COX20: variants seen among roughly 807,000 people sequenced by gnomAD.
COX20 encodes the protein cytochrome c oxidase assembly protein COX20, mitochondrial.
A neutral mutation model predicts 14.3 loss-of-function variants in COX20; 14 were observed. The observed-to-expected ratio is 0.98, with a 90% CI of 0.65 to 1.53. COX20 has a LOEUF of 1.53. Among genes scored for constraint, COX20 ranks in the 40% most tolerant of loss-of-function variants. COX20 has a pLI of 0.00. For synonymous variants in COX20, 56 were observed against 51.7 expected, an observed-to-expected ratio of 1.08 and a Z score of -0.36; for missense variants, 149 against 142.1, an observed-to-expected ratio of 1.05 and a Z score of -0.25.
At chr1:244,836,253 C>G (rs541899235) in intron 1 of COX20, among the ~76,000 whole-genome samples, 1 of 152,300 alleles carries the variant, frequency 6.6e-6, no homozygotes, top group Non-Finnish European at 1.5e-5. Context: ...GCTGGTGTCC[C>G]TGTCTCCATA....
Position 244,836,732 on chromosome 1 carries a change from T to C in COX20, c.42+976T>C, listed in dbSNP as rs115356011. ...TGCTAAATGGCTCCTAATATATACT[T>C]AAGATATTCTCCCAGCTTGGAAATT... On this transcript the variant is annotated intron_variant, in intron 1 of 3. Coordinates refer to ENST00000411948, the MANE Select transcript of COX20 (RefSeq NM_198076.6). 4.0e-3 allele frequency among the ~76,000 whole-genome samples: 615 copies of C among 152,318 alleles called. 6 individuals carry two copies. The highest frequency in any genetic ancestry group is 0.015 in the African/African-American group (605 of 41,568).
intron 1 of COX20, among the ~76,000 whole-genome samples, chr1:244,838,523 T>A (rs2102970954): frequency 6.6e-6 from 1 of 152,310 alleles, no homozygotes; most frequent in South Asian, 2.1e-4. Context: ...CCAGGAGACG[T>A]ATTTGAAGCC....
chr1:244,835,324 G>A (rs1413962841), upstream of COX20: 2 of 174,198 alleles, frequency 1.1e-5, no homozygotes, highest in Admixed American at 6.3e-5. Flanking sequence ...GAGCACGCGC[G>A]CCGGAGACGG....
At chr1:244,836,215 T>A (rs1384719693) in intron 1 of COX20, among the ~76,000 whole-genome samples, 1 of 152,142 alleles carries the variant, frequency 6.6e-6, no homozygotes, top group African/African-American at 2.4e-5. Flanking sequence ...GGGTTAAGAT[T>A]TCTTCCCCAT....
At chr1:244,838,520 A>G (rs909011941) in intron 1 of COX20, among the ~76,000 whole-genome samples, 4 of 152,200 alleles carry the variant, frequency 2.6e-5, no homozygotes, top group Admixed American at 1.3e-4. Flanking sequence ...AAACCAGGAG[A>G]CGTATTTGAA....
intron 1 of COX20, chr1:244,840,822 C>T (rs1320803481): frequency 6.6e-6 from 1 of 152,144 alleles, no homozygotes; most frequent in African/African-American, 2.4e-5. Context: ...TTTTGCCTTA[C>T]AATATATTAC....
chr1:244,840,339 C>G (rs1386858021), intron 1 of COX20: 1 of 152,170 alleles, frequency 6.6e-6, no homozygotes, highest in African/African-American at 2.4e-5. Context: ...GCACCTAAGA[C>G]TAGATCAAAC....
chr1:244,835,727 C>A lies in COX20; in HGVS notation c.13C>A (p.Pro5Thr). Residue 5 changes from proline to threonine, a missense_variant, in exon 1 of 4, where the codon CCG becomes ACG. Coordinates refer to ENST00000411948, the MANE Select transcript of COX20 (RefSeq NM_198076.6). MAAPPEPGEPEERKS... is the reference protein window; with the variant it reads MAAPTEPGEPEERKS... ...CGGAGTAGTCCTCATGGCCGCCCCGCCGGAGCCCGGTGAGCCCGAGGAGAG... is the reference window on the plus strand; with the variant it reads ...CGGAGTAGTCCTCATGGCCGCCCCGACGGAGCCCGGTGAGCCCGAGGAGAG... 1 of 1,270,150 alleles carries A rather than the reference C, an allele frequency of 7.9e-7. No individual in the cohort carries two copies. The highest frequency in any genetic ancestry group is 2.8e-5 in the South Asian group (1 of 35,176). The allele number at this position is 1,270,150 out of a possible 1,614,324, so 78.7% of individuals were successfully genotyped here.
chr1:244,835,731 A>G lies in COX20; in HGVS notation c.17A>G (p.Glu6Gly). MAAPP[E>G]PGEPEERKSL... ...GTAGTCCTCATGGCCGCCCCGCCGGAGCCCGGTGAGCCCGAGGAGAGGAAG... is the reference window on the plus strand; with the variant it reads ...GTAGTCCTCATGGCCGCCCCGCCGGGGCCCGGTGAGCCCGAGGAGAGGAAG... Residue 6 changes from glutamate to glycine, a missense_variant, in exon 1 of 4, where the codon GAG (glutamate) becomes GGG (glycine). Transcript: ENST00000411948. 7.9e-7 allele frequency: 1 copy of G among 1,268,840 alleles called. No homozygotes were observed. The highest frequency in any genetic ancestry group is 1.0e-6 in the Non-Finnish European group (1 of 1,004,634). 78.6% of individuals were successfully genotyped at this position (1,268,840 alleles called of 1,614,324 possible). A position where few individuals can be genotyped will look rare whatever the true frequency, so the allele number is the denominator to read the frequency against.
Position 244,843,489 on chromosome 1 carries a change from TTGA to T in COX20, c.*318_*320del, listed in dbSNP as rs1161357897. 6 of 240,830 alleles carry T rather than the reference TTGA, an allele frequency of 2.5e-5. No individual in the cohort carries two copies. Among genetic ancestry groups the T allele is most frequent in the Non-Finnish European group, 4.8e-5 (6 of 125,842 alleles). The allele number at this position is 240,830 out of a possible 1,614,324, so 14.9% of individuals were successfully genotyped here. ...TTCCTTGTAGTAGTAAGTATAGAGT[TTGA>T]TGATAAGTAAACGTCCCTTAACAAA... is the stretch of plus-strand genomic sequence containing the variant. On this transcript the variant is annotated 3_prime_UTR_variant, in exon 4 of 4. Coordinates refer to ENST00000411948, the MANE Select transcript of COX20 (RefSeq NM_198076.6).
chr1:244,842,595 AT>A, intron 3 of COX20: 1 of 292,550 alleles, frequency 3.4e-6, no homozygotes, highest in South Asian at 5.3e-5. Context: ...AATATAAAAT[AT>A]GGATGAACCT....
At chr1:244,838,981 G>A (rs557600447) in intron 1 of COX20, among the ~76,000 whole-genome samples, 1 of 152,132 alleles carries the variant, frequency 6.6e-6, no homozygotes, top group South Asian at 2.1e-4. Context: ...GTAGAGACAG[G>A]GTTTTGCCAT....
rs1680212938 is a variant in COX20 at position 244,841,860 on chromosome 1, G to C, written c.43-84G>C. 3.8e-6 allele frequency: 3 copies of C among 781,024 alleles called. No individual in the cohort carries two copies. The Admixed American group carries it at 7.3e-5, about 19-fold the overall frequency. 48.4% of individuals were successfully genotyped at this position (781,024 alleles called of 1,614,324 possible). On this transcript the variant is annotated intron_variant, in intron 1 of 3. Transcript: ENST00000411948. ...GTTTAAACCCTCAACTACAAGAAAA[G>C]AAATGGTGTATTGTCATTTTTGCCA...
chr1:244,835,921 A>T (rs1294834468), intron 1 of COX20, among the ~76,000 whole-genome samples, 165 bp downstream of exon 1: 3 of 152,190 alleles, frequency 2.0e-5, no homozygotes, highest in African/African-American at 7.2e-5. Flanking sequence ...CCAACATTTT[A>T]ATCTAAGTGG....
intron 2 of COX20, 59 bp from the exon 3 acceptor site, chr1:244,842,136 G>T (rs1281163425): frequency 3.4e-6 from 5 of 1,455,686 alleles, no homozygotes; most frequent in African/African-American, 1.4e-5. Context: ...TTTTTTCTAG[G>T]TGGAGTAATG....
downstream of COX20, chr1:244,845,059 T>A (rs773079114): frequency 3.2e-4 from 53 of 166,164 alleles, no homozygotes; most frequent in Middle Eastern, 3.4e-3. Context: ...TAAATGTAAT[T>A]ATTATACTGT....
At chr1:244,840,130 T>C (rs1399890474) in intron 1 of COX20, 1 of 152,226 alleles carries the variant, frequency 6.6e-6, no homozygotes, top group African/African-American at 2.4e-5. Context: ...GCTATTTTCC[T>C]ATTGTTTGCA....
chr1:244,839,372 AGATT>A (rs1435909115), intron 1 of COX20, among the ~76,000 whole-genome samples: 1 of 152,164 alleles, frequency 6.6e-6, no homozygotes, highest in Non-Finnish European at 1.5e-5. Flanking sequence ...AGCTTTCCTT[AGATT>A]GATCAGGGTG....
rs1043968937 is a variant in COX20, at chr1:244,842,219, T to C, written c.182T>C (p.Val61Ala). Reference sequence around the variant, plus strand: ...GGTAGAATTAGAAGATCATGTGATGTTGGAGTAGGAGGGTTTATCTTGGTG... The same window carrying C: ...GGTAGAATTAGAAGATCATGTGATGCTGGAGTAGGAGGGTTTATCTTGGTG... ...FTSRIRRSCD[V>A]GVGGFILVTL... Residue 61 changes from valine (V) to alanine (A), a missense_variant, in exon 3 of 4, where the codon GTT becomes GCT. Coordinates refer to ENST00000411948, the MANE Select transcript of COX20 (RefSeq NM_198076.6). The C allele has an allele frequency of 6.2e-7, 1 of 1,608,986 alleles. No individual in the cohort carries two copies. Among genetic ancestry groups the C allele is most frequent in the Non-Finnish European group, 8.5e-7 (1 of 1,175,614 alleles).
Sources: gnomAD v4.1 joint callset for allele counts (sites outside exome capture counted in the v4.1 genomes callset) on GRCh38, gnomAD v4.1.1 for gene constraint, MANE v1.5 for transcripts, NCBI Gene and HGNC (gene_info 2026-07-23, HGNC 2026-07-21) for gene names.